Variants in GPN1 observed in about 807,000 individuals in gnomAD.
The protein encoded by GPN1 is GPN-loop GTPase 1, also known as ATP(GTP)-binding protein.
GPN1 carries 44 observed loss-of-function variants against 55.9 expected under a neutral mutation model. The ratio of observed to expected loss-of-function variants is 0.79; its 90% CI spans 0.62 to 1.01. GPN1 has a LOEUF of 1.01. GPN1 is among the 50% of genes least tolerant of loss of function. The pLI is 0.00. For missense variants in GPN1, 466 were observed against 462.8 expected (o/e 1.01, Z -0.06); for synonymous variants, 179 against 162.5 (o/e 1.10, Z -0.77).
intron 2 of GPN1, among the ~76,000 whole-genome samples, chr2:27,630,239 A>G (rs529695030): frequency 6.6e-6 from 1 of 152,092 alleles, no homozygotes; most frequent in Admixed American, 6.6e-5. Flanking sequence ...GTGAGCCAAG[A>G]TCGTGCCACT....
chr2:27,639,129 C>G, intron 9 of GPN1, 98 bp downstream of exon 9: 1 of 969,024 alleles, frequency 1.0e-6, no homozygotes, highest in African/African-American at 1.6e-5. Context: ...AGCTTATTAC[C>G]TACTGAAAAG....
intron 12 of GPN1, 81 bp from the exon 13 acceptor site, chr2:27,647,755 C>A: frequency 2.5e-6 from 2 of 799,552 alleles, no homozygotes; most frequent in Non-Finnish European, 2.2e-6. Flanking sequence ...TTTCATCCTG[C>A]CAGTTTATGA....
intron 3 of GPN1, 50 bp from the exon 4 acceptor site, chr2:27,631,784 A>T (rs1394970804): frequency 5.7e-6 from 6 of 1,054,724 alleles, no homozygotes; most frequent in Admixed American, 1.7e-5. Context: ...CTAGGTATGA[A>T]CTTTATAATC....
intron 7 of GPN1, among the ~76,000 whole-genome samples, chr2:27,635,579 G>A (rs1673705034): frequency 6.6e-6 from 1 of 152,202 alleles, no homozygotes; most frequent in Admixed American, 6.5e-5. Context: ...CACTTGGGAG[G>A]CCAAGGTGGG....
At chr2:27,635,276 A>C (rs1354677922) in intron 7 of GPN1, 42 bp downstream of exon 7, 1 of 860,586 alleles carries the variant, frequency 1.2e-6, no homozygotes, top group Non-Finnish European at 1.9e-6. Context: ...TCAAGGTATA[A>C]GGCCTTTTTC....
chr2:27,635,622 G>C (rs72852178), intron 7 of GPN1, among the ~76,000 whole-genome samples: 1 of 151,830 alleles, frequency 6.6e-6, no homozygotes, highest in Non-Finnish European at 1.5e-5. Flanking sequence ...TTGAAACCAG[G>C]CTGGGGAACA....
chr2:27,630,531 A>AGGTTT (rs1356586575), intron 2 of GPN1, among the ~76,000 whole-genome samples: 1 of 150,712 alleles, frequency 6.6e-6, no homozygotes, highest in East Asian at 2.0e-4. Flanking sequence ...ATGCTGGGCT[A>AGGTTT]GTTTTGTTTT....
chr2:27,636,231 A>G (rs1415669881), intron 7 of GPN1, among the ~76,000 whole-genome samples: 2 of 152,100 alleles, frequency 1.3e-5, no homozygotes, highest in Non-Finnish European at 2.9e-5. Context: ...AATAAAATGC[A>G]CTGGTTTGCC....
upstream of GPN1, chr2:27,628,474 G>C (rs1319354476): frequency 3.2e-6 from 5 of 1,551,520 alleles, no homozygotes; most frequent in Admixed American, 3.9e-5. Flanking sequence ...ATGAGCGCTA[G>C]CATCAGGAAC....
rs1673431493 is a variant in GPN1, at chr2:27,629,256, A to T, written c.111+87A>T. The T allele has an allele frequency of 4.0e-5, 47 of 1,187,886 alleles. No homozygotes were observed. In the Middle Eastern group the frequency reaches 2.1e-3, roughly 54 times the overall value. The allele number at this position is 1,187,886 out of a possible 1,614,324, so 73.6% of individuals were successfully genotyped here. A position where few individuals can be genotyped will look rare whatever the true frequency, so the allele number is the denominator to read the frequency against. ...GCCAGGAAGAAAGGGAGGGAAGAGG[A>T]TTTGGAGGGTACCGGCGCATGGCTT... On this transcript the variant is annotated intron_variant, in intron 1 of 13. Coordinates refer to ENST00000610189, the MANE Select transcript of GPN1 (RefSeq NM_007266.4).
At position 27,640,132 on chromosome 2, in the gene GPN1, A is replaced by G; in HGVS notation, c.800+7A>G. ...CTGCCGAAGAATATGAAAGGTGAGG[A>G]TAAAGGAAAATTCTATTGATGACAT... On this transcript the variant is annotated splice_region_variant and intron_variant, in intron 10 of 13. Coordinates refer to ENST00000610189, the MANE Select transcript of GPN1 (RefSeq NM_007266.4). 6.4e-7 allele frequency: 1 copy of G among 1,562,938 alleles called. No individual in the cohort carries two copies. The highest frequency in any genetic ancestry group is 1.7e-5 in the Admixed American group (1 of 59,680).
At chr2:27,642,990 C>CACACAT (rs1443156201) in intron 12 of GPN1, among the ~76,000 whole-genome samples, 27 of 150,918 alleles carry the variant, frequency 1.8e-4, no homozygotes, top group African/African-American at 6.6e-4. Flanking sequence ...CACACACACA[C>CACACAT]ACACATACAT....
chr2:27,629,509 A>T, intron 1 of GPN1: 2 of 1,034,112 alleles, frequency 1.9e-6, no homozygotes, highest in Non-Finnish European at 2.9e-6. Flanking sequence ...AGATTTGCCA[A>T]ATATTTCTTG....
In GPN1 at chr2:27,650,118, C is replaced by G; in HGVS notation, c.1043C>G (p.Thr348Arg). 6.3e-7 allele frequency: 1 copy of G among 1,581,144 alleles called. No individual in the cohort carries two copies. The highest frequency in any genetic ancestry group is 8.7e-7 in the Non-Finnish European group (1 of 1,150,216). ...AATTGCCCTTTTTTCCTTGCAGTTACAGAGGAAAGCCATGAAGAGCCAGCA... is the reference window on the plus strand; with the variant it reads ...AATTGCCCTTTTTTCCTTGCAGTTAGAGAGGAAAGCCATGAAGAGCCAGCA... Reference protein sequence around the residue: ...SDTDDIDHRVTEESHEEPAFQ... With the variant: ...SDTDDIDHRVREESHEEPAFQ... The change falls in exon 14 of 14, where the codon ACA (threonine) becomes AGA (arginine). Residue 348 changes from threonine to arginine, a missense_variant. Thr to Arg is a moderately conservative substitution (Grantham distance 71, BLOSUM62 -1). Coordinates refer to ENST00000610189, the MANE Select transcript of GPN1 (RefSeq NM_007266.4).
intron 10 of GPN1, among the ~76,000 whole-genome samples, chr2:27,640,998 T>C (rs531611606): frequency 6.6e-6 from 1 of 152,214 alleles, no homozygotes; most frequent in African/African-American, 2.4e-5. Flanking sequence ...TTCTCACCAA[T>C]ATTAATCTTT....
intron 12 of GPN1, among the ~76,000 whole-genome samples, chr2:27,647,235 A>AT (rs1291787038): frequency 6.6e-6 from 1 of 152,142 alleles, no homozygotes; most frequent in Non-Finnish European, 1.5e-5. Flanking sequence ...ATGTCCTCCC[A>AT]TGGCAGTAGT....
chr2:27,629,821 C>G (rs376783652), intron 1 of GPN1, 38 bp from the exon 2 acceptor site: 262 of 1,111,800 alleles, frequency 2.4e-4, no homozygotes, highest in Non-Finnish European at 3.4e-4. Context: ...CTTGTCCCCT[C>G]TTTGTCTCCT....
chr2:27,631,842 T>C lies in GPN1; in HGVS notation c.254T>C (p.Leu85Pro), dbSNP rs1293289347. ...KYKEVMKQYG[L>P]GPNGGIVTSL... ...CTCAACTTGGTGTCTAGATATGGACTTGGACCCAATGGCGGCATAGTGACC... is the reference window on the plus strand; with the variant it reads ...CTCAACTTGGTGTCTAGATATGGACCTGGACCCAATGGCGGCATAGTGACC... Residue 85 changes from leucine (L) to proline (P), a missense_variant, in exon 4 of 14, where the codon CTT (leucine) becomes CCT (proline). Leu to Pro is a moderately conservative substitution (Grantham distance 98). Coordinates refer to ENST00000610189, the MANE Select transcript of GPN1 (RefSeq NM_007266.4). 1 of 1,595,852 alleles carries C rather than the reference T, an allele frequency of 6.3e-7. No individual in the cohort carries two copies. Among genetic ancestry groups the C allele is most frequent in the Non-Finnish European group, 8.6e-7 (1 of 1,163,384 alleles).
At position 27,639,964 on chromosome 2, in the gene GPN1, G is replaced by A. The variant is rs181987481; in HGVS notation, c.718-79G>A. Reference sequence around the variant, plus strand: ...TAAACCACTCTTACTAAGATTTTATGACATTTAAACAAGTTAATGTACTTC... The same window carrying A: ...TAAACCACTCTTACTAAGATTTTATAACATTTAAACAAGTTAATGTACTTC... On this transcript the variant is annotated intron_variant, in intron 9 of 13. Transcript: ENST00000610189. 7.0e-4 allele frequency: 688 copies of A among 977,378 alleles called. 2 individuals carry two copies. In the African/African-American group the frequency reaches 9.5e-3, roughly 14 times the overall value. The allele number at this position is 977,378 out of a possible 1,614,324, so 60.5% of individuals were successfully genotyped here.
Sources: allele counts gnomAD v4.1 joint callset (sites outside exome capture counted in the v4.1 genomes callset), GRCh38; gene constraint gnomAD v4.1.1; transcripts MANE v1.5; gene names NCBI Gene and HGNC (gene_info 2026-07-23, HGNC 2026-07-21).